Variants in GRID2 observed in about 807,000 individuals in gnomAD.
GRID2 encodes the protein glutamate receptor ionotropic, delta-2.
A neutral mutation model predicts 114.8 loss-of-function variants in GRID2; 33 were observed. The observed-to-expected ratio is 0.29, with a 90% CI of 0.22 to 0.38. The LOEUF is 0.38. GRID2 is among the 10% of genes least tolerant of loss of function. The probability of loss-of-function intolerance (pLI) is 1.00; values close to 1 mark genes in which losing one functional copy is unlikely to be tolerated. For synonymous variants in GRID2, 505 were observed against 449.9 expected (o/e 1.12, Z -1.55); for missense variants, 1,184 against 1,257.7 (o/e 0.94, Z 0.89).
At chr4:93,761,405 G>T (rs1376368527) in intron 14 of GRID2, among the ~76,000 whole-genome samples, 2 of 152,100 alleles carry the variant, frequency 1.3e-5, no homozygotes, top group Non-Finnish European at 2.9e-5. Flanking sequence ...TAGCCAGAAG[G>T]TCATTCTGGC....
At chr4:93,526,664 C>T (rs909162379) in intron 13 of GRID2, among the ~76,000 whole-genome samples, 1 of 152,030 alleles carries the variant, frequency 6.6e-6, no homozygotes, top group Non-Finnish European at 1.5e-5. Flanking sequence ...ATAAAATTAG[C>T]CAGGTGTGGT....
chr4:93,590,712 G>A (rs1201767126), intron 13 of GRID2, among the ~76,000 whole-genome samples: 1 of 152,132 alleles, frequency 6.6e-6, no homozygotes, highest in Non-Finnish European at 1.5e-5. Context: ...CCATTTGTAT[G>A]TATCCTCTTT....
intron 14 of GRID2, among the ~76,000 whole-genome samples, chr4:93,722,152 G>A (rs1448151103): frequency 6.6e-6 from 1 of 151,944 alleles, no homozygotes; most frequent in African/African-American, 2.4e-5. Context: ...ACTCCTGAAA[G>A]TGATCTACCT....
At chr4:93,760,704 C>T (rs1733132197) in intron 14 of GRID2, among the ~76,000 whole-genome samples, 1 of 152,194 alleles carries the variant, frequency 6.6e-6, no homozygotes, top group Admixed American at 6.5e-5. Context: ...AATTAATTTA[C>T]AGTACTTCTG....
At chr4:93,717,547 A>G (rs192678454) in intron 14 of GRID2, among the ~76,000 whole-genome samples, 1 of 152,220 alleles carries the variant, frequency 6.6e-6, no homozygotes, top group African/African-American at 2.4e-5. Context: ...TGTAGTGTTC[A>G]AAGAAACTTG....
chr4:93,323,867 A>G (rs565862023), intron 8 of GRID2, among the ~76,000 whole-genome samples: 127 of 152,240 alleles, frequency 8.3e-4, no homozygotes, highest in Admixed American at 2.9e-3. Context: ...CTGGTGTATA[A>G]GAATGCTTGG....
intron 4 of GRID2, among the ~76,000 whole-genome samples, chr4:93,171,708 T>C (rs1738839450): frequency 6.6e-6 from 1 of 152,094 alleles, no homozygotes; most frequent in Non-Finnish European, 1.5e-5. Flanking sequence ...AAAGAGAAAA[T>C]AATTACTCTC....
chr4:92,403,070 A>G (rs970901770), intron 1 of GRID2, among the ~76,000 whole-genome samples: 2 of 152,158 alleles, frequency 1.3e-5, no homozygotes, highest in African/African-American at 4.8e-5. Context: ...ACCAGCCTCT[A>G]CTGGTTTCCA....
chr4:93,232,914 A>G (rs894644668), intron 7 of GRID2, among the ~76,000 whole-genome samples: 1 of 152,114 alleles, frequency 6.6e-6, no homozygotes, highest in Non-Finnish European at 1.5e-5. Context: ...ATCAGAGAAT[A>G]AGGAAGGAAA....
intron 4 of GRID2, among the ~76,000 whole-genome samples, chr4:93,182,528 C>T (rs192443228): frequency 6.6e-6 from 1 of 152,090 alleles, no homozygotes; most frequent in African/African-American, 2.4e-5. Context: ...ATTTAACTTT[C>T]TCTCTACTTC....
exon 2 of GRID2, chr4:93,810,051 A>C (rs1735102675): frequency 6.6e-6 from 1 of 152,224 alleles, no homozygotes; most frequent in Non-Finnish European, 1.5e-5. Flanking sequence ...AGAAAGGAGA[A>C]TAGACAGATC....
chr4:92,631,406 A>T (rs1380148108), intron 2 of GRID2, among the ~76,000 whole-genome samples: 1 of 152,174 alleles, frequency 6.6e-6, no homozygotes, highest in Non-Finnish European at 1.5e-5. Context: ...CCTGTAAATA[A>T]CAGGTTAGGT....
intron 1 of GRID2, among the ~76,000 whole-genome samples, chr4:92,464,037 C>T (rs962843044): frequency 1.3e-5 from 2 of 151,900 alleles, no homozygotes; most frequent in East Asian, 1.9e-4. Flanking sequence ...TTCAGAGACT[C>T]AATCCTACCC....
chr4:92,792,212 AATATT>A (rs1486794078), intron 2 of GRID2, among the ~76,000 whole-genome samples: 1 of 151,738 alleles, frequency 6.6e-6, no homozygotes, highest in African/African-American at 2.4e-5. Context: ...CTTACTGTCC[AATATT>A]ATATTATGCC....
intron 14 of GRID2, among the ~76,000 whole-genome samples, chr4:93,741,507 T>C (rs1731415162): frequency 6.6e-6 from 1 of 152,144 alleles, no homozygotes; most frequent in Non-Finnish European, 1.5e-5. Flanking sequence ...GGCACATTTA[T>C]ACAGTGGAAA....
intron 2 of GRID2, among the ~76,000 whole-genome samples, chr4:93,012,107 G>T (rs536535004): frequency 1.1e-3 from 165 of 144,728 alleles, no homozygotes; most frequent in South Asian, 8.7e-3. Flanking sequence ...AACATGTATA[G>T]TGACACCTGT....
intron 1 of GRID2, among the ~76,000 whole-genome samples, chr4:92,570,858 G>A (rs545242893): frequency 2.6e-5 from 4 of 152,078 alleles, no homozygotes; most frequent in East Asian, 3.9e-4. Flanking sequence ...ACTGGATGAC[G>A]GAGTTTTCTA....
chr4:93,675,628 C>T (rs1724785770), intron 14 of GRID2, among the ~76,000 whole-genome samples: 1 of 152,100 alleles, frequency 6.6e-6, no homozygotes, highest in African/African-American at 2.4e-5. Context: ...CAAGGTACTG[C>T]AGGCAAGATT....
At chr4:93,572,834 T>TA (rs1467874454) in intron 13 of GRID2, among the ~76,000 whole-genome samples, 1 of 152,142 alleles carries the variant, frequency 6.6e-6, no homozygotes, top group Admixed American at 6.6e-5. Flanking sequence ...GGTCCTAAGA[T>TA]ACAGCAACCT....
Sources: gnomAD v4.1 joint callset for allele counts (sites outside exome capture counted in the v4.1 genomes callset) on GRCh38, gnomAD v4.1.1 for gene constraint, MANE v1.5 for transcripts, NCBI Gene and HGNC (gene_info 2026-07-23, HGNC 2026-07-21) for gene names.